The following KIF5C variants were observed in gnomAD, a reference collection of about 807,000 sequenced individuals.
KIF5C encodes kinesin heavy chain isoform 5C.
KIF5C carries 18 observed loss-of-function variants against 125.2 expected under a neutral mutation model. The observed-to-expected ratio is 0.14, with a 90% CI of 0.10 to 0.21. The LOEUF is 0.21. Ranked by LOEUF, KIF5C falls within the 10% of genes least tolerant of loss-of-function variation. The pLI is 1.00. For missense variants in KIF5C, 780 were observed against 1,183.8 expected, an observed-to-expected ratio of 0.66 and a Z score of 5.01; for synonymous variants, 405 against 434.0, an observed-to-expected ratio of 0.93 and a Z score of 0.83.
At chr2:148,934,550 C>T (rs113115103) in intron 3 of KIF5C, among the ~76,000 whole-genome samples, 5 of 144,378 alleles carry the variant, frequency 3.5e-5, no homozygotes, top group Admixed American at 7.0e-5. Flanking sequence ...ACAACACACA[C>T]GCATACACAC....
chr2:148,913,160 A>G (rs1172163246), intron 1 of KIF5C, among the ~76,000 whole-genome samples: 1 of 152,012 alleles, frequency 6.6e-6, no homozygotes, highest in Non-Finnish European at 1.5e-5. Flanking sequence ...GTTATATGGC[A>G]TCATGTTCTA....
intron 15 of KIF5C, among the ~76,000 whole-genome samples, chr2:148,986,053 T>C (rs1448819856): frequency 6.6e-6 from 1 of 152,188 alleles, no homozygotes; most frequent in Admixed American, 6.5e-5. Context: ...GTGAGGTGAT[T>C]AAATGGCCTC....
chr2:148,909,139 G>C (rs796673249), intron 1 of KIF5C, among the ~76,000 whole-genome samples: 1 of 152,146 alleles, frequency 6.6e-6, no homozygotes, highest in East Asian at 1.9e-4. Flanking sequence ...ATGTGCTACC[G>C]GGCTTTGCAG....
intron 15 of KIF5C, among the ~76,000 whole-genome samples, chr2:148,984,633 A>G (rs533558229): frequency 6.6e-6 from 1 of 152,258 alleles, no homozygotes; most frequent in East Asian, 1.9e-4. Flanking sequence ...AGTCCCCAGG[A>G]GACATATCCT....
chr2:149,010,146 C>T lies in KIF5C; in HGVS notation c.2562C>T (p.Asp854=). The change falls in exon 24 of 26, where the codon GAC becomes GAT. Residue 854 remains aspartate, a synonymous_variant. Transcript: ENST00000435030. ...LTKVHKQLVR[D]NADLRCELPK... is the part of the protein sequence containing the mutation. Reference sequence around the variant, plus strand: ...TCCTCCTGCCCCAGCTGGTCCGGGACAACGCAGACCTGCGCTGTGAACTGC... The same window carrying T: ...TCCTCCTGCCCCAGCTGGTCCGGGATAACGCAGACCTGCGCTGTGAACTGC... The T allele has an allele frequency of 6.5e-7, 1 of 1,550,172 alleles. No individual in the cohort carries two copies. Among genetic ancestry groups the T allele is most frequent in the South Asian group, 1.2e-5 (1 of 83,750 alleles).
chr2:148,982,715 T>C (rs1012674209), intron 14 of KIF5C, among the ~76,000 whole-genome samples: 12 of 152,244 alleles, frequency 7.9e-5, no homozygotes, highest in African/African-American at 2.9e-4. Context: ...CTCTGCTTAG[T>C]GTTTTCTATG....
In KIF5C at chr2:149,007,897, C is replaced by T. The variant is rs1682058702; in HGVS notation, c.2446-66C>T. The stretch of plus-strand genomic sequence containing the variant: ...AATGGGGATTTTTTTTTTCCATCCA[C>T]ATTATCCTGGGGCGGAGGGTGGGTG... On this transcript the variant is annotated intron_variant, in intron 22 of 25. Coordinates refer to ENST00000435030, the MANE Select transcript of KIF5C (RefSeq NM_004522.3). 3.3e-6 allele frequency: 4 copies of T among 1,215,578 alleles called. No individual in the cohort carries two copies. The East Asian group carries it at 8.3e-5, about 25-fold the overall frequency. 75.3% of individuals were successfully genotyped at this position (1,215,578 alleles called of 1,614,324 possible).
chr2:148,962,388 A>T (rs570432756), intron 11 of KIF5C, among the ~76,000 whole-genome samples: 20 of 150,256 alleles, frequency 1.3e-4, no homozygotes, highest in African/African-American at 4.7e-4. Flanking sequence ...CATGTTGGCC[A>T]GGCTGGTCTT....
intron 1 of KIF5C, among the ~76,000 whole-genome samples, chr2:148,918,867 G>T (rs1681667309): frequency 6.6e-6 from 1 of 152,254 alleles, no homozygotes; most frequent in African/African-American, 2.4e-5. Context: ...AGGGAGACCA[G>T]TCAGGAGGTG....
chr2:148,997,471 G>T (rs1681709416), intron 18 of KIF5C, 131 bp downstream of exon 18: 2 of 1,497,822 alleles, frequency 1.3e-6, no homozygotes. Flanking sequence ...GCTGTTGTTG[G>T]GCATTCAGAG....
At chr2:148,885,983 T>A (rs1681510950) in intron 1 of KIF5C, 1 of 152,204 alleles carries the variant, frequency 6.6e-6, no homozygotes. Context: ...CTGAGGAGAT[T>A]ATATCATAGT....
At chr2:148,982,454 G>T (rs1164317825) in intron 14 of KIF5C, among the ~76,000 whole-genome samples, 1 of 152,230 alleles carries the variant, frequency 6.6e-6, no homozygotes, top group Admixed American at 6.5e-5. Context: ...TTTGTGGAAA[G>T]CATCCAGTTT....
At chr2:149,022,008 C>T (rs951612710) in intron 25 of KIF5C, among the ~76,000 whole-genome samples, 5 of 152,072 alleles carry the variant, frequency 3.3e-5, no homozygotes, top group East Asian at 1.9e-4. Flanking sequence ...CTGGTCTAGA[C>T]GTTCATCCTG....
chr2:148,936,548 G>A (rs112045557), intron 3 of KIF5C, among the ~76,000 whole-genome samples: 4 of 152,146 alleles, frequency 2.6e-5, no homozygotes, highest in African/African-American at 9.7e-5. Flanking sequence ...GGCAAATTCT[G>A]GACCTTAAAA....
intron 11 of KIF5C, among the ~76,000 whole-genome samples, chr2:148,969,298 A>G (rs1231960537): frequency 6.6e-6 from 1 of 152,118 alleles, no homozygotes; most frequent in African/African-American, 2.4e-5. Context: ...AATGCTCTGT[A>G]AGCCTTATAG....
At chr2:148,941,763 G>C in intron 5 of KIF5C, 105 bp downstream of exon 5, 1 of 1,480,414 alleles carries the variant, frequency 6.8e-7, no homozygotes, top group South Asian at 1.3e-5. Flanking sequence ...AAAATTTATA[G>C]AGATACTCTG....
intron 3 of KIF5C, among the ~76,000 whole-genome samples, chr2:148,931,151 C>G (rs952546509): frequency 5.3e-5 from 8 of 151,580 alleles, no homozygotes; most frequent in South Asian, 2.1e-4. Context: ...TAATGCCAAA[C>G]AACAACAACA....
At chr2:149,006,403 G>A (rs1157923396) in intron 22 of KIF5C, among the ~76,000 whole-genome samples, 2 of 152,170 alleles carry the variant, frequency 1.3e-5, no homozygotes, top group African/African-American at 4.8e-5. Flanking sequence ...AGGATCGGCA[G>A]GGAAATACAT....
chr2:148,901,196 G>C (rs183131633), intron 1 of KIF5C, among the ~76,000 whole-genome samples: 3 of 152,296 alleles, frequency 2.0e-5, no homozygotes, highest in African/African-American at 7.2e-5. Context: ...AAAGCAATAT[G>C]AGAAAGCTTT....
Sources: gnomAD v4.1 joint callset for allele counts (sites outside exome capture counted in the v4.1 genomes callset) on GRCh38, gnomAD v4.1.1 for gene constraint, MANE v1.5 for transcripts, NCBI Gene and HGNC (gene_info 2026-07-23, HGNC 2026-07-21) for gene names.